TPO: variants seen among roughly 807,000 people sequenced by gnomAD.
The protein encoded by TPO is thyroid peroxidase.
TPO carries 78 observed loss-of-function variants against 96.9 expected under a neutral mutation model. The observed-to-expected ratio is 0.81, with a 90% CI of 0.67 to 0.97. TPO has a LOEUF of 0.97. Ranked by LOEUF, TPO falls within the 50% of genes least tolerant of loss-of-function variation. The probability of loss-of-function intolerance (pLI) is 0.00; values close to 1 mark genes in which losing one functional copy is unlikely to be tolerated. For synonymous variants in TPO, 547 were observed against 538.0 expected (o/e 1.02, Z -0.23); for missense variants, 1,252 against 1,274.8 (o/e 0.98, Z 0.27).
At chr2:1,541,826 A>G (rs1389619924) in intron 16 of TPO, 1 of 154,042 alleles carries the variant, frequency 6.5e-6, no homozygotes, top group Non-Finnish European at 1.4e-5. Flanking sequence ...ACTTACTTGC[A>G]TACAGGAGGG....
chr2:1,519,215 C>G (rs1675002494), intron 15 of TPO, among the ~76,000 whole-genome samples: 1 of 152,232 alleles, frequency 6.6e-6, no homozygotes, highest in African/African-American at 2.4e-5. Context: ...TCCTCTGTGA[C>G]TGCAGCCCCA....
chr2:1,539,862 A>G (rs1483550812), intron 15 of TPO, among the ~76,000 whole-genome samples: 1 of 137,364 alleles, frequency 7.3e-6, no homozygotes, highest in Non-Finnish European at 1.5e-5. Flanking sequence ...CCAGCAGCTC[A>G]GTATTTGGGG....
At chr2:1,468,530 G>A (rs575977153) in intron 7 of TPO, among the ~76,000 whole-genome samples, 115 of 152,268 alleles carry the variant, frequency 7.6e-4, no homozygotes, top group African/African-American at 2.7e-3. Context: ...GCTGAAGATG[G>A]GTCCCAATCC....
At chr2:1,376,630 C>T (rs1440404326) in intron 1 of TPO, among the ~76,000 whole-genome samples, 2 of 152,122 alleles carry the variant, frequency 1.3e-5, no homozygotes, top group African/African-American at 2.4e-5. Flanking sequence ...ACCCCCAGTC[C>T]AGTCCACACG....
intron 15 of TPO, among the ~76,000 whole-genome samples, chr2:1,521,009 T>G (rs559505876): frequency 8.5e-5 from 13 of 152,348 alleles, no homozygotes; most frequent in African/African-American, 3.1e-4. Flanking sequence ...AATTCTACTT[T>G]TCCACCATCA....
At chr2:1,482,155 C>T (rs1261552034) in intron 8 of TPO, among the ~76,000 whole-genome samples, 4 of 152,242 alleles carry the variant, frequency 2.6e-5, no homozygotes, top group Admixed American at 2.6e-4. Context: ...TCAGAGGAGC[C>T]TGTGCCAGGG....
intron 8 of TPO, 121 bp from the exon 9 acceptor site, chr2:1,484,475 C>T (rs1044073742): frequency 1.0e-5 from 13 of 1,298,850 alleles, no homozygotes; most frequent in African/African-American, 1.5e-5. Context: ...GCCCTTATTA[C>T]AAGACGAGAA....
intron 15 of TPO, among the ~76,000 whole-genome samples, chr2:1,531,135 ACCCCCCACTGTGTGCAACCTCCCCAAAT>A (rs1678085533): frequency 3.7e-4 from 3 of 8,114 alleles, no homozygotes; most frequent in East Asian, 2.8e-3. Flanking sequence ...CCTCCCCAAA[ACCCCCCACTGTGTGCAACCTCCCCAAAT>A]CCCCCCCACT....
At chr2:1,484,518 G>A in intron 8 of TPO, 78 bp from the exon 9 acceptor site, 1 of 1,583,052 alleles carries the variant, frequency 6.3e-7, no homozygotes. Context: ...CAAGGAAGAT[G>A]CTCTTCCACA....
At position 1,429,324 on chromosome 2, in the gene TPO, A is replaced by G. The variant is rs4629198; in HGVS notation, c.180-4114A>G. Among the ~76,000 whole-genome samples the G allele has an allele frequency of 6.6e-5, 10 of 152,090 alleles. 1 individual carries two copies. Among genetic ancestry groups the G allele is most frequent in the Admixed American group, 6.5e-4 (10 of 15,270 alleles). ...CAGAAGCCAGGCAGGTGCAGGAGCC[A>G]TGCTTATATAGCCAGAAGAACCGTG... is the stretch of plus-strand genomic sequence containing the variant. On this transcript the variant is annotated intron_variant, in intron 3 of 16. Coordinates refer to ENST00000329066, the MANE Select transcript of TPO (RefSeq NM_001206744.2).
At chr2:1,534,529 TC>T (rs1679101794) in intron 15 of TPO, among the ~76,000 whole-genome samples, 2 of 28,486 alleles carry the variant, frequency 7.0e-5, no homozygotes, top group Non-Finnish European at 1.4e-4. Context: ...TCCCTCCCAC[TC>T]TGTGCAACCT....
chr2:1,410,027 G>A (rs1339879295), upstream of TPO, among the ~76,000 whole-genome samples: 1 of 152,040 alleles, frequency 6.6e-6, no homozygotes, highest in African/African-American at 2.4e-5. Context: ...CTGGTCAAAA[G>A]TGAGGGTTTC....
intron 7 of TPO, among the ~76,000 whole-genome samples, chr2:1,460,355 C>T (rs930015674): frequency 6.6e-6 from 1 of 152,132 alleles, no homozygotes; most frequent in African/African-American, 2.4e-5. Context: ...CAGAGGCCCT[C>T]GTTCCCAGCT....
At chr2:1,459,955 T>G (rs1343525721) in intron 7 of TPO, among the ~76,000 whole-genome samples, 1 of 151,550 alleles carries the variant, frequency 6.6e-6, no homozygotes, top group African/African-American at 2.4e-5. Context: ...TCTTTTTTTT[T>G]TTTTTTGAGC....
At chr2:1,458,244 G>A (rs1366713865) in intron 7 of TPO, among the ~76,000 whole-genome samples, 1 of 152,064 alleles carries the variant, frequency 6.6e-6, no homozygotes, top group Non-Finnish European at 1.5e-5. Context: ...TGTGTATATA[G>A]GATATAAGAT....
chr2:1,491,246 A>T (rs1671747428), intron 10 of TPO, among the ~76,000 whole-genome samples: 1 of 152,032 alleles, frequency 6.6e-6, no homozygotes, highest in South Asian at 2.1e-4. Context: ...ATCTAAAGTG[A>T]TGTTCTTTCT....
intron 13 of TPO, among the ~76,000 whole-genome samples, chr2:1,500,012 C>A (rs1042867432): frequency 4.6e-5 from 7 of 152,330 alleles, no homozygotes; most frequent in African/African-American, 1.7e-4. Flanking sequence ...ACAGCCACAC[C>A]CAGAACAATT....
rs766668260 is a variant in TPO, at chr2:1,496,784, G to A, written c.2386+19G>A. The A allele has an allele frequency of 5.6e-6, 9 of 1,614,102 alleles. No individual in the cohort carries two copies. The highest frequency in any genetic ancestry group is 1.7e-4 in the Middle Eastern group (1 of 6,004). Reference sequence around the variant, plus strand: ...TGCAAAGGTCAGTCCTTTCTTCAATGACAATTACAAAACATCTGAATGTTT... The same window carrying A: ...TGCAAAGGTCAGTCCTTTCTTCAATAACAATTACAAAACATCTGAATGTTT... On this transcript the variant is annotated intron_variant, in intron 13 of 16. Transcript: ENST00000329066.
Position 1,423,146 on chromosome 2 carries a change from G to A in TPO, c.179+17G>A. ...GATGCAGAGGTGAGCCTTGCGGAGG[G>A]GCCGCCGCCCCAAATGCCACCGACA... On this transcript the variant is annotated intron_variant, in intron 3 of 16. Transcript: ENST00000329066. 6.2e-7 allele frequency: 1 copy of A among 1,612,140 alleles called. No homozygotes were observed. Among genetic ancestry groups the A allele is most frequent in the African/African-American group, 1.3e-5 (1 of 75,024 alleles).
Sources: gnomAD v4.1 joint callset for allele counts (sites outside exome capture counted in the v4.1 genomes callset) on GRCh38, gnomAD v4.1.1 for gene constraint, MANE v1.5 for transcripts, NCBI Gene and HGNC (gene_info 2026-07-23, HGNC 2026-07-21) for gene names.